MPRIP: variants seen among roughly 807,000 people sequenced by gnomAD.
The protein encoded by MPRIP is myosin phosphatase Rho-interacting protein.
A neutral mutation model predicts 234.9 loss-of-function variants in MPRIP; 59 were observed. The ratio of observed to expected loss-of-function variants is 0.25; its 90% CI spans 0.20 to 0.31. MPRIP has a LOEUF of 0.31. Ranked by LOEUF, MPRIP falls within the 10% of genes least tolerant of loss-of-function variation. The pLI is 1.00. For missense variants in MPRIP, 2,436 were observed against 3,071.0 expected, an observed-to-expected ratio of 0.79 and a Z score of 4.89; for synonymous variants, 1,144 against 1,263.9, an observed-to-expected ratio of 0.91 and a Z score of 2.01.
chr17:17,045,869 G>A (rs1414376134), intron 1 of MPRIP, among the ~76,000 whole-genome samples: 2 of 150,810 alleles, frequency 1.3e-5, no homozygotes, highest in East Asian at 3.9e-4. Context: ...GCAGTGGCGC[G>A]ATCTGAGCTC....
intron 3 of MPRIP, among the ~76,000 whole-genome samples, chr17:17,079,037 G>A (rs958008673): frequency 7.9e-5 from 12 of 152,200 alleles, no homozygotes; most frequent in Admixed American, 6.5e-4. Flanking sequence ...GGAGATAACT[G>A]TCCCTAGAGG....
chr17:17,142,325 G>T, intron 7 of MPRIP: 1 of 308,282 alleles, frequency 3.2e-6, no homozygotes, highest in Non-Finnish European at 6.1e-6. Flanking sequence ...CATGTCTGTG[G>T]CTCAGGAGAG....
chr17:17,184,600 AT>A (rs1003817466), intron 23 of MPRIP, among the ~76,000 whole-genome samples: 2 of 151,646 alleles, frequency 1.3e-5, no homozygotes, highest in East Asian at 1.9e-4. Flanking sequence ...TGTCTCTCTG[AT>A]TTTTTTTTCC....
intron 3 of MPRIP, among the ~76,000 whole-genome samples, chr17:17,090,047 G>A (rs2144134997): frequency 6.6e-6 from 1 of 152,338 alleles, no homozygotes; most frequent in Middle Eastern, 3.4e-3. Context: ...GAGGTGGGGA[G>A]ACGGAAAAGA....
Position 17,146,072 on chromosome 17 carries a change from A to G in MPRIP, c.1540A>G (p.Lys514Glu). 1 of 1,614,018 alleles carries G rather than the reference A, an allele frequency of 6.2e-7. No individual in the cohort carries two copies. The highest frequency in any genetic ancestry group is 8.5e-7 in the Non-Finnish European group (1 of 1,180,010). ...GAATTTCAAGAAAGGCTGGCTGACTAAGCAGTATGAGGACGGCCAGGTGAG... is the reference window on the plus strand; with the variant it reads ...GAATTTCAAGAAAGGCTGGCTGACTGAGCAGTATGAGGACGGCCAGGTGAG... The part of the protein sequence containing the change: ...LLNFKKGWLT[K>E]QYEDGQWKKH... Residue 514 changes from lysine (K) to glutamate (E), a missense_variant, in exon 10 of 24, where the codon AAG (lysine) becomes GAG (glutamate). Coordinates refer to ENST00000651222, the MANE Select transcript of MPRIP (RefSeq NM_001364716.4).
rs746353683 is a variant in MPRIP at position 17,184,842 on chromosome 17, C to T, written c.7226C>T (p.Thr2409Met). The T allele has an allele frequency of 1.4e-5, 22 of 1,612,430 alleles. No individual in the cohort carries two copies. Among genetic ancestry groups the T allele is most frequent in the African/African-American group, 2.7e-5 (2 of 74,848 alleles). ...ACCCAGAGTCTGAAGGAAGGCCTGA[C>T]GGTGCAAGAACGGTTGAAGCTCTTT... ...IRSKSLKEGLTVQERLKLFES... is the reference protein window; with the variant it reads ...IRSKSLKEGLMVQERLKLFES... The change falls in exon 24 of 24, where the codon ACG (threonine) becomes ATG (methionine). Residue 2409 changes from threonine (T) to methionine (M), a missense_variant. Thr to Met is a moderately conservative substitution (Grantham distance 81). Transcript: ENST00000651222.
intron 14 of MPRIP, among the ~76,000 whole-genome samples, 191 bp downstream of exon 14, chr17:17,159,193 A>G (rs2045808003): frequency 6.6e-6 from 1 of 152,242 alleles, no homozygotes; most frequent in Non-Finnish European, 1.5e-5. Flanking sequence ...GGAGCGTGCC[A>G]GTGCATGCAG....
At position 17,147,290 on chromosome 17, in the gene MPRIP, C is replaced by T. The variant is rs758709846; in HGVS notation, c.1561-29C>T. On this transcript the variant is annotated intron_variant, in intron 10 of 23. Transcript: ENST00000651222. ...GGCATGCTGTATAGGAGTTGGTAGT[C>T]GAGTCATTTTTCTTTTCTTCCCCTT... is the stretch of plus-strand genomic sequence containing the variant. 1.5e-5 allele frequency: 24 copies of T among 1,609,250 alleles called. No homozygotes were observed. The East Asian group carries it at 2.0e-4, about 13-fold the overall frequency.
chr17:17,057,675 A>T (rs2088744961), intron 1 of MPRIP: 2 of 717,950 alleles, frequency 2.8e-6, no homozygotes, highest in African/African-American at 3.5e-5. Context: ...TGGAGCTCAC[A>T]TATATGATGC....
intron 3 of MPRIP, among the ~76,000 whole-genome samples, chr17:17,118,974 G>A (rs1423696775): frequency 1.3e-5 from 2 of 152,034 alleles, no homozygotes; most frequent in East Asian, 1.9e-4. Flanking sequence ...TTGTTAGATC[G>A]GGCTCCTAGA....
chr17:17,175,217 T>C, intron 19 of MPRIP, 76 bp from the exon 20 acceptor site: 2 of 1,605,322 alleles, frequency 1.2e-6, no homozygotes, highest in Non-Finnish European at 1.7e-6. Context: ...CCTAGGGAAA[T>C]GGCCTTCCCG....
In MPRIP at chr17:17,068,181, G is replaced by A. The variant is rs139929807; in HGVS notation, c.124-7529G>A. ...TTTTTGTTTTTTGAGATGAAGTTTCGCTCTTGTTGCCCAGGCTGGAATGCA... is the reference window on the plus strand; with the variant it reads ...TTTTTGTTTTTTGAGATGAAGTTTCACTCTTGTTGCCCAGGCTGGAATGCA... On this transcript the variant is annotated intron_variant, in intron 1 of 23. Transcript: ENST00000651222. Among the ~76,000 whole-genome samples the A allele has an allele frequency of 6.3e-3, 957 of 151,246 alleles. 9 individuals are homozygous for A. The highest frequency in any genetic ancestry group is 0.022 in the African/African-American group (906 of 41,182).
intron 3 of MPRIP, among the ~76,000 whole-genome samples, chr17:17,079,675 CA>C (rs1222546244): frequency 2.6e-5 from 4 of 152,092 alleles, no homozygotes; most frequent in Non-Finnish European, 5.9e-5. Flanking sequence ...TGAACCATCC[CA>C]AAAAAACAAA....
In MPRIP at chr17:17,138,090, A is replaced by AGTCG; in HGVS notation, c.912_915dup (p.Pro306ValfsTer46). 6.5e-7 allele frequency: 1 copy of AGTCG among 1,548,840 alleles called. No homozygotes were observed. Among genetic ancestry groups the AGTCG allele is most frequent in the Non-Finnish European group, 8.7e-7 (1 of 1,147,520 alleles). On this transcript the variant is annotated frameshift_variant, in exon 7 of 24. Coordinates refer to ENST00000651222, the MANE Select transcript of MPRIP (RefSeq NM_001364716.4). LOFTEE classifies it high-confidence loss of function. This position sits in a 1 kb window ranked among gnomAD's most constrained non-coding sequence, Gnocchi z 5.8. Reference sequence around the variant, plus strand: ...CCCAACCACAGGTACAGTTGCCCCGAGTCGCCCTCCCAGGAGCTCGGTGGT... The same window carrying AGTCG: ...CCCAACCACAGGTACAGTTGCCCCGAGTCGGTCGCCCTCCCAGGAGCTCGGTGGT...
At chr17:17,158,058 G>T (rs1017546576) in intron 13 of MPRIP, among the ~76,000 whole-genome samples, 1 of 152,128 alleles carries the variant, frequency 6.6e-6, no homozygotes, top group Non-Finnish European at 1.5e-5. Flanking sequence ...GAGGCTGTGG[G>T]AGTCCTGGGA....
At chr17:17,178,000 C>G (rs2046293225) in intron 22 of MPRIP, among the ~76,000 whole-genome samples, 1 of 150,124 alleles carries the variant, frequency 6.7e-6, no homozygotes, top group African/African-American at 2.5e-5. Flanking sequence ...GATTTCACTG[C>G]AGCCTCCGCC....
intron 3 of MPRIP, among the ~76,000 whole-genome samples, chr17:17,094,114 T>C (rs1001101047): frequency 6.6e-6 from 1 of 152,158 alleles, no homozygotes; most frequent in Admixed American, 6.5e-5. Flanking sequence ...TTGTTCGTTT[T>C]TGTTTTTGTG....
At chr17:17,155,821 G>C (rs1195323473) in intron 13 of MPRIP, among the ~76,000 whole-genome samples, 2 of 152,234 alleles carry the variant, frequency 1.3e-5, no homozygotes, top group East Asian at 3.8e-4. Context: ...GAGGCACCCA[G>C]AGCTGCAGCA....
intron 3 of MPRIP, among the ~76,000 whole-genome samples, chr17:17,122,763 C>T (rs1423372303): frequency 6.6e-6 from 1 of 152,230 alleles, no homozygotes; most frequent in Non-Finnish European, 1.5e-5. Flanking sequence ...CCCAAACCCT[C>T]ACGCAGTGCT....
Sources: allele counts gnomAD v4.1 joint callset (sites outside exome capture counted in the v4.1 genomes callset), GRCh38; gene constraint gnomAD v4.1.1; non-coding constraint Gnocchi (gnomAD v3.1); transcripts MANE v1.5; gene names NCBI Gene and HGNC (gene_info 2026-07-23, HGNC 2026-07-21).